Variants in ITFG2 observed in about 807,000 individuals in gnomAD.
ITFG2 encodes the protein KICSTOR complex protein ITFG2.
Under a neutral mutation model 54.4 loss-of-function variants are expected in ITFG2, and 36 were observed. The observed-to-expected ratio is 0.66, with a 90% CI of 0.51 to 0.87. The LOEUF (loss-of-function observed/expected upper bound fraction) is 0.87. Among genes scored for constraint, ITFG2 ranks in the 40% least tolerant of loss-of-function variants. The pLI, the probability that ITFG2 is intolerant of heterozygous loss-of-function variation, is 0.00. For synonymous variants in ITFG2, 211 were observed against 225.4 expected (o/e 0.94, Z 0.57); for missense variants, 524 against 576.7 (o/e 0.91, Z 0.94).
intron 2 of ITFG2, among the ~76,000 whole-genome samples, chr12:2,852,034 A>G (rs544891982): frequency 6.6e-6 from 1 of 152,326 alleles, no homozygotes; most frequent in South Asian, 2.1e-4. Context: ...GACAACTTCA[A>G]CATCATCAGG....
chr12:2,840,309 T>C (rs1251284526), intron 1 of ITFG2, among the ~76,000 whole-genome samples: 1 of 151,436 alleles, frequency 6.6e-6, no homozygotes, highest in Non-Finnish European at 1.5e-5. Context: ...AAAAATTAGC[T>C]GGGTGTGGTG....
downstream of ITFG2, chr12:2,826,219 A>T (rs915990086): frequency 9.0e-4 from 136 of 150,588 alleles, no homozygotes; most frequent in Middle Eastern, 3.4e-3. Flanking sequence ...AAAAAAAAAA[A>T]GCCTCTGTCT....
intron 1 of ITFG2, 95 bp from the exon 2 acceptor site, chr12:2,817,128 G>A (rs2097924141): frequency 6.9e-6 from 5 of 720,918 alleles, no homozygotes; most frequent in Non-Finnish European, 4.9e-6. Flanking sequence ...ACAAGTTGAG[G>A]TCTTGTGATT....
downstream of ITFG2, among the ~76,000 whole-genome samples, chr12:2,829,193 A>T (rs1373745743): frequency 6.6e-6 from 1 of 152,208 alleles, no homozygotes; most frequent in African/African-American, 2.4e-5. Flanking sequence ...TTAGGAATAG[A>T]GGAAGGATGA....
At chr12:2,828,338 C>A (rs200802666), downstream of ITFG2, 4 of 1,614,010 alleles carry the variant, frequency 2.5e-6, no homozygotes, top group South Asian at 4.4e-5. Flanking sequence ...TTACCCCAGG[C>A]GGCTGAGACA....
upstream of ITFG2, among the ~76,000 whole-genome samples, chr12:2,832,823 C>T (rs1188373850): frequency 1.3e-4 from 20 of 150,670 alleles, no homozygotes; most frequent in South Asian, 4.2e-4. Context: ...CCTGCCCTCT[C>T]TCCTTGGGAT....
rs1446898110 is a variant in ITFG2 at position 2,818,233 on chromosome 12, A to G, written c.362A>G (p.Gln121Arg). The G allele has an allele frequency of 3.8e-5, 61 of 1,613,796 alleles. No individual in the cohort carries two copies. The highest frequency in any genetic ancestry group is 5.1e-5 in the Non-Finnish European group (60 of 1,180,030). The change falls in exon 4 of 12, where the codon CAG becomes CGG. Residue 121 changes from glutamine (Q) to arginine (R), a missense_variant. Gln to Arg is a conservative substitution (Grantham distance 43, BLOSUM62 1). Coordinates refer to ENST00000228799, the MANE Select transcript of ITFG2 (RefSeq NM_018463.4). ...IGEEQRPVFK[Q>R]HIPANTKVML... ...GAGGAGCAGCGTCCAGTCTTCAAGC[A>G]GCACATCCCTGCCAACACCAAGGTC...
chr12:2,838,349 G>A (rs2098033385), intron 1 of ITFG2, among the ~76,000 whole-genome samples: 1 of 152,088 alleles, frequency 6.6e-6, no homozygotes, highest in Non-Finnish European at 1.5e-5. Flanking sequence ...CATCCTTTGG[G>A]GGAGTTGTGC....
At chr12:2,842,398 G>A (rs1289844639) in intron 2 of ITFG2, among the ~76,000 whole-genome samples, 1 of 151,586 alleles carries the variant, frequency 6.6e-6, no homozygotes, top group Non-Finnish European at 1.5e-5. Context: ...TGGGATTACA[G>A]GCATGAGCCA....
chr12:2,828,357 A>C, downstream of ITFG2: 1 of 1,614,174 alleles, frequency 6.2e-7, no homozygotes, highest in South Asian at 1.1e-5. Flanking sequence ...CATCCAGCAG[A>C]GATCCGATTG....
chr12:2,817,182 C>A, intron 1 of ITFG2, 41 bp from the exon 2 acceptor site: 1 of 1,358,580 alleles, frequency 7.4e-7, no homozygotes, highest in Non-Finnish European at 1.0e-6. Flanking sequence ...AGAGGTTCAG[C>A]AGAGTCCCAT....
intron 2 of ITFG2, among the ~76,000 whole-genome samples, chr12:2,842,120 C>CTTTTTTTTTTTTTTTTTTTTTTTTTTT (rs71057841): frequency 9.2e-6 from 1 of 108,718 alleles, no homozygotes; most frequent in Non-Finnish European, 1.7e-5. Flanking sequence ...TCACTTGTTT[C>CTTTTTTTTTTTTTTTTTTTTTTTTTTT]TTTTTTTTTT....
chr12:2,854,787 G>A, intron 2 of ITFG2: 2 of 1,175,496 alleles, frequency 1.7e-6, no homozygotes, highest in East Asian at 2.6e-5. Flanking sequence ...TTTTCAGATG[G>A]CCAGAGCGGG....
Position 2,851,869 on chromosome 12 carries a change from G to T in ITFG2, n.301-6143G>T, listed in dbSNP as rs188838077. On this transcript the variant is annotated intron_variant and non_coding_transcript_variant, in intron 2 of 3. Transcript: ENST00000537710. ...AATTTTTGTATTTGTAGTAGAGAGA[G>T]GGTTTCACCATGTTGGCCAGGCTGG... 2.2e-3 allele frequency among the ~76,000 whole-genome samples: 333 copies of T among 151,974 alleles called. 2 individuals carry two copies. The highest frequency in any genetic ancestry group is 7.6e-3 in the African/African-American group (317 of 41,492).
intron 1 of ITFG2, among the ~76,000 whole-genome samples, chr12:2,840,103 C>T (rs1345408689): frequency 2.8e-5 from 4 of 144,472 alleles, no homozygotes; most frequent in South Asian, 2.2e-4. Context: ...CTGAATCTAA[C>T]CAAAAAAAAA....
In ITFG2 at chr12:2,812,873, C is replaced by T; in HGVS notation, c.96+17C>T. 1.9e-6 allele frequency: 3 copies of T among 1,593,548 alleles called. No individual in the cohort carries two copies. The highest frequency in any genetic ancestry group is 1.3e-5 in the African/African-American group (1 of 74,696). On this transcript the variant is annotated intron_variant, in intron 1 of 11. Coordinates refer to ENST00000228799, the MANE Select transcript of ITFG2 (RefSeq NM_018463.4). The stretch of plus-strand genomic sequence containing the variant: ...AACGATACGGTAGGTGCATGCGCAC[C>T]GCAAGAGACAGCCTGGATCTGTGCA...
At chr12:2,840,659 G>A (rs1218993487) in intron 1 of ITFG2, among the ~76,000 whole-genome samples, 3 of 151,926 alleles carry the variant, frequency 2.0e-5, no homozygotes, top group East Asian at 1.9e-4. Context: ...GGTGGCGGGC[G>A]CCTGTAGTCC....
At chr12:2,854,655 G>C (rs1269978162) in intron 2 of ITFG2, among the ~76,000 whole-genome samples, 1 of 152,172 alleles carries the variant, frequency 6.6e-6, no homozygotes, top group Non-Finnish European at 1.5e-5. Context: ...TGTGTCCCCA[G>C]TGCCTACCAG....
chr12:2,857,087 G>A lies in ITFG2; in HGVS notation n.301-925G>A, dbSNP rs943925841. On this transcript the variant is annotated intron_variant and non_coding_transcript_variant, in intron 2 of 3. Coordinates refer to the ITFG2 transcript ENST00000537710. ...TGGGGAAGCCCTTTCTGGCACCATT[G>A]TTTACTCCTGGGGTTGCTATGGTGA... 9.4e-5 allele frequency: 66 copies of A among 702,732 alleles called. No individual in the cohort carries two copies. The African/African-American group carries it at 1.0e-3, about 11-fold the overall frequency. 43.5% of individuals were successfully genotyped at this position (702,732 alleles called of 1,614,324 possible).
Sources: gnomAD v4.1 joint callset for allele counts (sites outside exome capture counted in the v4.1 genomes callset) on GRCh38, gnomAD v4.1.1 for gene constraint, MANE v1.5 for transcripts, NCBI Gene and HGNC (gene_info 2026-07-23, HGNC 2026-07-21) for gene names.